The following EBF1 variants were observed in gnomAD, a reference collection of about 807,000 sequenced individuals.
EBF1 encodes transcription factor COE1.
In EBF1, 10 loss-of-function variants were observed where a neutral mutation model predicts 68.4. The ratio of observed to expected loss-of-function variants is 0.15; its 90% confidence interval spans 0.09 to 0.25. The LOEUF (loss-of-function observed/expected upper bound fraction) is 0.25, where lower values mean the gene tolerates loss of function less well. Among genes scored for constraint, EBF1 ranks in the 10% least tolerant of loss-of-function variants. The probability of loss-of-function intolerance (pLI) is 1.00; values close to 1 mark genes in which losing one functional copy is unlikely to be tolerated. For synonymous variants in EBF1, 298 were observed against 299.8 expected (o/e 0.99, Z 0.06); for missense variants, 509 against 794.4 (o/e 0.64, Z 4.32).
intron 7 of EBF1, among the ~76,000 whole-genome samples, chr5:158,833,832 G>C (rs1315399106): frequency 6.6e-6 from 1 of 152,152 alleles, no homozygotes; most frequent in Admixed American, 6.5e-5. Context: ...ACAAGAGCTA[G>C]TATCATCCCA....
rs59274919 is a variant in EBF1 at position 158,909,956 on chromosome 5, TAAAAAA to T, written c.555-69852_555-69847del. On this transcript the variant is annotated intron_variant, in intron 6 of 15. Transcript: ENST00000313708. ...TGGTGACAGAACGAGACTCTGTCTA[TAAAAAA>T]AAAAAAAAAAAAAAAAAAAAAAAAT... Among the ~76,000 whole-genome samples, 47 of 46,736 alleles carry T rather than the reference TAAAAAA, an allele frequency of 1.0e-3. No homozygotes were observed. The South Asian group carries it at 0.011, about 11-fold the overall frequency. 30.7% of individuals were successfully genotyped at this position (46,736 alleles called of 152,430 possible).
At chr5:159,046,581 T>A (rs1425393884) in intron 6 of EBF1, among the ~76,000 whole-genome samples, 1 of 152,232 alleles carries the variant, frequency 6.6e-6, no homozygotes, top group Non-Finnish European at 1.5e-5. Flanking sequence ...GACTGGAGAC[T>A]CAAGCTACTA....
chr5:158,969,018 T>C (rs1386653152), intron 6 of EBF1, among the ~76,000 whole-genome samples: 2 of 152,212 alleles, frequency 1.3e-5, no homozygotes, highest in Non-Finnish European at 2.9e-5. Context: ...TTTCTCAGGA[T>C]TGGCTGAGCA....
intron 6 of EBF1, chr5:158,941,175 A>G (rs938210243): frequency 4.4e-6 from 2 of 455,864 alleles, no homozygotes; most frequent in African/African-American, 4.0e-5. Context: ...CACGCACCTC[A>G]GGTTTGCTGT....
chr5:158,722,517 C>T lies in EBF1; in HGVS notation c.1126-8335G>A, dbSNP rs374823812. 8.5e-5 allele frequency among the ~76,000 whole-genome samples: 13 copies of T among 152,210 alleles called. No homozygotes were observed. The South Asian group carries it at 1.7e-3, about 19-fold the overall frequency. ...TTTGGTGTGTGTGTATACAAATGCA[C>T]GTGCATATTTATATTTTTGGACGTA... is the stretch of plus-strand genomic sequence containing the variant. On this transcript the variant is annotated intron_variant, in intron 11 of 15. Coordinates refer to ENST00000313708, the MANE Select transcript of EBF1 (RefSeq NM_024007.5).
At chr5:159,032,536 C>A (rs2127748593) in intron 6 of EBF1, among the ~76,000 whole-genome samples, 1 of 152,334 alleles carries the variant, frequency 6.6e-6, no homozygotes, top group East Asian at 1.9e-4. Context: ...TTCAACAGAT[C>A]TCTTTTCTAT....
intron 6 of EBF1, among the ~76,000 whole-genome samples, chr5:158,941,473 C>T (rs901617699): frequency 1.5e-4 from 23 of 152,276 alleles, no homozygotes; most frequent in East Asian, 5.8e-4. Context: ...TAGGGGCACA[C>T]GCACACACAC....
intron 6 of EBF1, chr5:158,941,110 G>A (rs1813267281): frequency 2.2e-6 from 1 of 445,496 alleles, no homozygotes; most frequent in Admixed American, 2.4e-5. Flanking sequence ...AGCTGTATTG[G>A]GGTGGACAGA....
rs140610972 is a variant in EBF1, at chr5:158,901,491, C to G, written c.555-61381G>C. ...ATCTGTGCCTTCTGGTTCATTCATT[C>G]CCTCATTCAATCATTTTTTTCATTC... On this transcript the variant is annotated intron_variant, in intron 6 of 15. Coordinates refer to ENST00000313708, the MANE Select transcript of EBF1 (RefSeq NM_024007.5). 9.9e-4 allele frequency among the ~76,000 whole-genome samples: 151 copies of G among 152,216 alleles called. 1 individual carries two copies. The highest frequency in any genetic ancestry group is 3.4e-3 in the African/African-American group (143 of 41,538).
At chr5:158,726,025 T>C (rs892112354) in intron 11 of EBF1, among the ~76,000 whole-genome samples, 2 of 152,234 alleles carry the variant, frequency 1.3e-5, no homozygotes, top group African/African-American at 2.4e-5. Flanking sequence ...ATTTAAGCAC[T>C]TCTGACAAGC....
At chr5:158,962,369 C>T (rs533311446) in intron 6 of EBF1, among the ~76,000 whole-genome samples, 4 of 152,114 alleles carry the variant, frequency 2.6e-5, no homozygotes, top group African/African-American at 4.8e-5. Flanking sequence ...GGCTGGGGAC[C>T]GAGGCAAGCA....
chr5:158,942,368 A>T (rs937053681), intron 6 of EBF1, among the ~76,000 whole-genome samples: 1 of 152,216 alleles, frequency 6.6e-6, no homozygotes, highest in Non-Finnish European at 1.5e-5. Flanking sequence ...CTGACTCATC[A>T]TGTAACCTTG....
At chr5:158,947,055 C>T (rs941630191) in intron 6 of EBF1, among the ~76,000 whole-genome samples, 7 of 152,182 alleles carry the variant, frequency 4.6e-5, no homozygotes, top group African/African-American at 1.4e-4. Flanking sequence ...CTCAAGCATC[C>T]CAGGTTGACT....
intron 7 of EBF1, among the ~76,000 whole-genome samples, chr5:158,828,497 T>C (rs1786720814): frequency 6.6e-6 from 1 of 152,112 alleles, no homozygotes; most frequent in Non-Finnish European, 1.5e-5. Flanking sequence ...AAATTCCCTA[T>C]ATAAGGACTG....
At chr5:158,919,890 G>A (rs1283725697) in intron 6 of EBF1, among the ~76,000 whole-genome samples, 1 of 152,144 alleles carries the variant, frequency 6.6e-6, no homozygotes, top group Non-Finnish European at 1.5e-5. Context: ...TTTAAAGACA[G>A]GACTCTAATT....
rs1012120387 is a variant in EBF1 at position 158,697,934 on chromosome 5, A to T, written c.*1177T>A. 1 of 209,828 alleles carries T rather than the reference A, an allele frequency of 4.8e-6. No individual in the cohort carries two copies. The highest frequency in any genetic ancestry group is 1.9e-4 in the South Asian group (1 of 5,304). 13.0% of individuals were successfully genotyped at this position (209,828 alleles called of 1,614,324 possible). A position where few individuals can be genotyped will look rare whatever the true frequency, so the allele number is the denominator to read the frequency against. On this transcript the variant is annotated 3_prime_UTR_variant, in exon 16 of 16. Transcript: ENST00000313708. ...CATAGAACAGAAAACTATGTTTTGGAGGTCTCAACCTTCTTTTCCTTTCTC... is the reference window on the plus strand; with the variant it reads ...CATAGAACAGAAAACTATGTTTTGGTGGTCTCAACCTTCTTTTCCTTTCTC...
At chr5:158,906,862 C>T (rs1360613788) in intron 6 of EBF1, among the ~76,000 whole-genome samples, 1 of 152,220 alleles carries the variant, frequency 6.6e-6, no homozygotes, top group Non-Finnish European at 1.5e-5. Context: ...TCCCTGCTCT[C>T]ACATCCTTTA....
intron 10 of EBF1, among the ~76,000 whole-genome samples, chr5:158,750,010 A>G (rs959886299): frequency 6.6e-6 from 1 of 152,140 alleles, no homozygotes; most frequent in Admixed American, 6.5e-5. Context: ...CTCCCTTTGG[A>G]CAATGAGATT....
intron 10 of EBF1, among the ~76,000 whole-genome samples, chr5:158,749,199 C>A (rs1386318302): frequency 2.0e-5 from 3 of 152,240 alleles, no homozygotes; most frequent in African/African-American, 2.4e-5. Context: ...ATAAAGACAT[C>A]ATTTACAATT....
Sources: allele counts gnomAD v4.1 joint callset (sites outside exome capture counted in the v4.1 genomes callset), GRCh38; gene constraint gnomAD v4.1.1; transcripts MANE v1.5; gene names NCBI Gene and HGNC (gene_info 2026-07-23, HGNC 2026-07-21).